Variants in GRID2 observed in about 807,000 individuals in gnomAD.
GRID2 encodes glutamate receptor ionotropic, delta-2.
A neutral mutation model predicts 114.8 loss-of-function variants in GRID2; 33 were observed. The ratio of observed to expected loss-of-function variants is 0.29; its 90% CI spans 0.22 to 0.38. The LOEUF is 0.38. GRID2 is among the 10% of genes least tolerant of loss of function. GRID2 has a pLI of 1.00. For synonymous variants in GRID2, 505 were observed against 449.9 expected (o/e 1.12, Z -1.55); for missense variants, 1,184 against 1,257.7 (o/e 0.94, Z 0.89).
intron 1 of GRID2, among the ~76,000 whole-genome samples, chr4:92,330,429 GA>G (rs1484905509): frequency 5.3e-5 from 8 of 152,114 alleles, no homozygotes; most frequent in Admixed American, 6.6e-5. Flanking sequence ...ACTTTCAATG[GA>G]ATGTCCACAA....
At chr4:92,897,220 A>C (rs1747234279) in intron 2 of GRID2, among the ~76,000 whole-genome samples, 1 of 126,718 alleles carries the variant, frequency 7.9e-6, no homozygotes, top group African/African-American at 3.6e-5. Context: ...GTGCTGAATC[A>C]ACAGTAGCTG....
At chr4:93,004,908 A>C (rs983017369) in intron 2 of GRID2, among the ~76,000 whole-genome samples, 3 of 151,850 alleles carry the variant, frequency 2.0e-5, no homozygotes, top group African/African-American at 7.2e-5. Context: ...TTCCCATTTT[A>C]GTTTCAGTTT....
intron 1 of GRID2, among the ~76,000 whole-genome samples, chr4:92,357,161 T>A (rs1728368855): frequency 6.6e-6 from 1 of 151,840 alleles, no homozygotes; most frequent in African/African-American, 2.4e-5. Context: ...AAAATGCCTT[T>A]CTGCTAAATT....
intron 1 of GRID2, among the ~76,000 whole-genome samples, chr4:92,452,640 A>G (rs1720985072): frequency 2.0e-5 from 3 of 151,854 alleles, no homozygotes; most frequent in South Asian, 4.2e-4. Context: ...TTAGGTTTTT[A>G]ATGTAAGTTT....
intron 8 of GRID2, among the ~76,000 whole-genome samples, chr4:93,244,847 T>A (rs1219686550): frequency 6.6e-6 from 1 of 151,658 alleles, no homozygotes; most frequent in Non-Finnish European, 1.5e-5. Flanking sequence ...AAATGACATT[T>A]ATCTTTTGGT....
Position 92,648,649 on chromosome 4 carries a change from C to T in GRID2, c.244+58363C>T, listed in dbSNP as rs1052685313. Among the ~76,000 whole-genome samples, 3 of 148,980 alleles carry T rather than the reference C, an allele frequency of 2.0e-5. No individual in the cohort carries two copies. The East Asian group carries it at 5.9e-4, about 29-fold the overall frequency. ...AAGACTGTATATAAATTGCAATGGT[C>T]AAACAAGCGGTTGATAAAGGAGAAG... On this transcript the variant is annotated intron_variant, in intron 2 of 15. Coordinates refer to ENST00000282020, the MANE Select transcript of GRID2 (RefSeq NM_001510.4).
intron 1 of GRID2, among the ~76,000 whole-genome samples, chr4:92,414,557 G>A (rs1309571797): frequency 1.3e-5 from 2 of 152,132 alleles, no homozygotes; most frequent in Non-Finnish European, 2.9e-5. Context: ...GCAAAAAGGA[G>A]TCATTTATTC....
intron 8 of GRID2, among the ~76,000 whole-genome samples, chr4:93,365,165 A>G (rs1762222597): frequency 6.6e-6 from 1 of 152,232 alleles, no homozygotes; most frequent in Middle Eastern, 3.4e-3. Flanking sequence ...TATGTGAGGT[A>G]TGTACTACCT....
chr4:93,257,161 G>A (rs1749690764), intron 8 of GRID2, among the ~76,000 whole-genome samples: 1 of 151,726 alleles, frequency 6.6e-6, no homozygotes, highest in Non-Finnish European at 1.5e-5. Context: ...TATATGTAGT[G>A]CCTAGCATTC....
intron 2 of GRID2, among the ~76,000 whole-genome samples, chr4:92,666,019 T>G (rs1732755824): frequency 6.6e-6 from 1 of 151,538 alleles, no homozygotes; most frequent in Non-Finnish European, 1.5e-5. Context: ...TCTTTCATTT[T>G]CTTCTCCTTC....
intron 8 of GRID2, among the ~76,000 whole-genome samples, chr4:93,240,992 T>C (rs1489288985): frequency 2.6e-5 from 4 of 151,634 alleles, no homozygotes; most frequent in African/African-American, 7.2e-5. Flanking sequence ...AAAGTTTATA[T>C]AAATGGATAA....
At chr4:92,367,852 C>T (rs1232392440) in intron 1 of GRID2, among the ~76,000 whole-genome samples, 1 of 152,102 alleles carries the variant, frequency 6.6e-6, no homozygotes, top group East Asian at 1.9e-4. Context: ...TTGGACTGCA[C>T]ATATATAACT....
intron 2 of GRID2, among the ~76,000 whole-genome samples, chr4:93,038,191 T>G (rs1201997210): frequency 1.3e-5 from 2 of 152,182 alleles, no homozygotes; most frequent in Middle Eastern, 3.2e-3. Context: ...GTAAGTTGTA[T>G]TTCTAAGTAT....
At chr4:92,536,018 T>C in intron 1 of GRID2, among the ~76,000 whole-genome samples, 1 of 152,148 alleles carries the variant, frequency 6.6e-6, no homozygotes, top group East Asian at 1.9e-4. Context: ...CATAAAGGCG[T>C]TGCAGACCCA....
At chr4:93,507,256 A>G (rs1728725582) in intron 12 of GRID2, among the ~76,000 whole-genome samples, 1 of 152,154 alleles carries the variant, frequency 6.6e-6, no homozygotes, top group Admixed American at 6.5e-5. Flanking sequence ...CAGACTTTAC[A>G]AGCTTGAGTC....
chr4:93,405,397 A>C lies in GRID2; in HGVS notation c.1347+9689A>C, dbSNP rs189942210. 2.9e-3 allele frequency among the ~76,000 whole-genome samples: 447 copies of C among 152,292 alleles called. 1 individual carries two copies. Among genetic ancestry groups the C allele is most frequent in the African/African-American group, 0.01 (430 of 41,568 alleles). ...ATTCTTGAAATGATAGCTGTTGCAC[A>C]GACATGTGTGAGTATTGCTATTGTA... On this transcript the variant is annotated intron_variant, in intron 9 of 15. Coordinates refer to ENST00000282020, the MANE Select transcript of GRID2 (RefSeq NM_001510.4).
At chr4:92,809,202 TA>T (rs1740553678) in intron 2 of GRID2, among the ~76,000 whole-genome samples, 1 of 151,912 alleles carries the variant, frequency 6.6e-6, no homozygotes, top group Admixed American at 6.6e-5. Context: ...TATTTAAAAC[TA>T]AAAAATCTTA....
rs557682590 is a variant in GRID2, at chr4:93,466,561, A to G, written c.1858+10587A>G. 1.2e-4 allele frequency among the ~76,000 whole-genome samples: 18 copies of G among 152,280 alleles called. No individual in the cohort carries two copies. The South Asian group carries it at 3.5e-3, about 30-fold the overall frequency. Reference sequence around the variant, plus strand: ...ATGCAGAAATTTCTAGGGAAGGGGTAGTAACTTTTGGATCATTGGGTCATT... The same window carrying G: ...ATGCAGAAATTTCTAGGGAAGGGGTGGTAACTTTTGGATCATTGGGTCATT... On this transcript the variant is annotated intron_variant, in intron 11 of 15. Transcript: ENST00000282020.
intron 2 of GRID2, among the ~76,000 whole-genome samples, chr4:92,825,463 G>T (rs941691842): frequency 6.6e-6 from 1 of 152,114 alleles, no homozygotes; most frequent in South Asian, 2.1e-4. Flanking sequence ...TCATGACAGC[G>T]AAGTGAGTCT....
Sources: allele counts gnomAD v4.1 joint callset (sites outside exome capture counted in the v4.1 genomes callset), GRCh38; gene constraint gnomAD v4.1.1; transcripts MANE v1.5; gene names NCBI Gene and HGNC (gene_info 2026-07-23, HGNC 2026-07-21).